The following RGL2 variants were observed in gnomAD, a reference collection of about 807,000 sequenced individuals.
RGL2 encodes ral guanine nucleotide dissociation stimulator like 2.
A neutral mutation model predicts 84.6 loss-of-function variants in RGL2; 40 were observed. That is an observed-to-expected ratio of 0.47 (90% CI 0.37 to 0.62). The LOEUF (loss-of-function observed/expected upper bound fraction) is 0.62, where lower values mean the gene tolerates loss of function less well. RGL2 is among the 20% of genes least tolerant of loss of function. The pLI is 0.00. For synonymous variants in RGL2, 369 were observed against 417.3 expected (o/e 0.88, Z 1.41); for missense variants, 865 against 1,019.7 (o/e 0.85, Z 2.07).
chr6:33,291,924 G>A lies in RGL2; in HGVS notation c.*178C>T. On this transcript the variant is annotated 3_prime_UTR_variant, in exon 18 of 18. Transcript: ENST00000497454. ...TATCCAACTTGGTTATAAGACACCA[G>A]TTCCCACAGGGCTGGATTTCTCAGC... 3 of 667,058 alleles carry A rather than the reference G, an allele frequency of 4.5e-6. No individual in the cohort carries two copies. The highest frequency in any genetic ancestry group is 7.7e-6 in the Non-Finnish European group (3 of 388,426). 41.3% of individuals were successfully genotyped at this position (667,058 alleles called of 1,614,324 possible).
chr6:33,293,108 C>A lies in RGL2; in HGVS notation c.1915G>T (p.Gly639Ter). Residue 639 changes from glycine (G) to a stop codon, truncating the protein, a stop_gained, in exon 16 of 18, where the codon GGA becomes TGA. Coordinates refer to ENST00000497454, the MANE Select transcript of RGL2 (RefSeq NM_004761.5). LOFTEE classifies it high-confidence loss of function. This position sits in a 1 kb window ranked among gnomAD's most constrained non-coding sequence, Gnocchi z 7.0. ...EEASGGTGYG[G>*]EGSGPGASDC... Reference sequence around the variant, plus strand: ...GAGGCCCCTGGCCCAGATCCCTCTCCCCCATATCCAGTCCCCCCGGAGGCC... The same window carrying A: ...GAGGCCCCTGGCCCAGATCCCTCTCACCCATATCCAGTCCCCCCGGAGGCC... The A allele has an allele frequency of 6.2e-7, 1 of 1,614,078 alleles. No homozygotes were observed. Among genetic ancestry groups the A allele is most frequent in the Non-Finnish European group, 8.5e-7 (1 of 1,179,980 alleles).
In RGL2 at chr6:33,298,442, A is replaced by C; in HGVS notation, c.156+13T>G. ...ATACATACGCCCCCTACCTCCCACCACCCGCGTCTCACCTCTTCTTCTTCC... is the reference window on the plus strand; with the variant it reads ...ATACATACGCCCCCTACCTCCCACCCCCCGCGTCTCACCTCTTCTTCTTCC... On this transcript the variant is annotated intron_variant, in intron 2 of 17. Transcript: ENST00000497454. This position sits in a 1 kb window ranked among gnomAD's most constrained non-coding sequence, Gnocchi z 4.8. 1.4e-6 allele frequency: 2 copies of C among 1,416,854 alleles called. No homozygotes were observed. The highest frequency in any genetic ancestry group is 1.9e-6 in the Non-Finnish European group (2 of 1,036,102). The allele number at this position is 1,416,854 out of a possible 1,614,324, so 87.8% of individuals were successfully genotyped here.
chr6:33,297,973 CCT>C lies in RGL2; in HGVS notation c.156+480_156+481del, dbSNP rs1768157781. The C allele has an allele frequency of 6.6e-6, 1 of 152,076 alleles. No individual in the cohort carries two copies. Among genetic ancestry groups the C allele is most frequent in the East Asian group, 1.9e-4 (1 of 5,144 alleles). The allele number at this position is 152,076 out of a possible 1,614,324, so 9.4% of individuals were successfully genotyped here. ...AGGTCCCAGAACCGTGGCTTCCCGG[CCT>C]CTACCCAGGACCGGGGCGGGGCGGG... is the stretch of plus-strand genomic sequence containing the variant. On this transcript the variant is annotated intron_variant, in intron 2 of 17. Coordinates refer to ENST00000497454, the MANE Select transcript of RGL2 (RefSeq NM_004761.5). The surrounding 1 kb of genome is among the most constrained non-coding windows in gnomAD (Gnocchi z 4.0).
Position 33,294,871 on chromosome 6 carries a change from C to A in RGL2, c.1278+106G>T. On this transcript the variant is annotated intron_variant, in intron 10 of 17. Transcript: ENST00000497454. The surrounding 1 kb of genome is among the most constrained non-coding windows in gnomAD (Gnocchi z 5.0). The stretch of plus-strand genomic sequence containing the variant: ...CAGAGAACAGATTTCATTCTCCTCA[C>A]CCCTCTGTGCCTCCCTTACCCATCC... 2.0e-6 allele frequency: 3 copies of A among 1,483,318 alleles called. No individual in the cohort carries two copies. Among genetic ancestry groups the A allele is most frequent in the Non-Finnish European group, 2.8e-6 (3 of 1,086,240 alleles). The allele number at this position is 1,483,318 out of a possible 1,614,324, so 91.9% of individuals were successfully genotyped here.
Position 33,296,631 on chromosome 6 carries a change from G to A in RGL2, c.386C>T (p.Ser129Phe), listed in dbSNP as rs1436744726. 1 of 1,613,908 alleles carries A rather than the reference G, an allele frequency of 6.2e-7. No homozygotes were observed. Among genetic ancestry groups the A allele is most frequent in the African/African-American group, 1.3e-5 (1 of 75,046 alleles). ...CATAAGCCCTAGCAAGGCAGGCGTG[G>A]AGGTGAAGGCCCGGTGGGTAGCCAG... The part of the protein sequence containing the change: ...AFLATHRAFT[S>F]TPALLGLMAD... The change falls in exon 4 of 18, where the codon TCC (serine) becomes TTC (phenylalanine). Residue 129 changes from serine to phenylalanine, a missense_variant. Transcript: ENST00000497454. The surrounding 1 kb of genome is among the most constrained non-coding windows in gnomAD (Gnocchi z 5.0).
At chr6:33,301,260 A>G (rs199627537), upstream of RGL2, 1 of 152,970 alleles carries the variant, frequency 6.5e-6, no homozygotes, top group Non-Finnish European at 1.4e-5. Context: ...TGAATGCCAT[A>G]AGATGTGTGT....
Position 33,293,516 on chromosome 6 carries a change from C to T in RGL2, c.1613G>A (p.Gly538Asp). ...LVISQWTEVL[G>D]SVGVPTPLVS... ...AAGCGGGGTAGGGACCCCAACAGAG[C>T]CCAAAACCCTGCAGTGGCAGGAGAT... Residue 538 changes from glycine (G) to aspartate (D), a missense_variant, in exon 15 of 18, where the codon GGC becomes GAC. This residue lies in a region of RGL2 where 302 missense variants were observed against 327.9 expected (regional missense o/e 0.92). Coordinates refer to ENST00000497454, the MANE Select transcript of RGL2 (RefSeq NM_004761.5). The surrounding 1 kb of genome is among the most constrained non-coding windows in gnomAD (Gnocchi z 7.0). 1.2e-6 allele frequency: 2 copies of T among 1,613,610 alleles called. No homozygotes were observed. Among genetic ancestry groups the T allele is most frequent in the Non-Finnish European group, 1.7e-6 (2 of 1,179,744 alleles).
rs936466690 is a variant in RGL2 at position 33,294,980 on chromosome 6, A to G, written c.1275T>C (p.Gly425=). 2.6e-6 allele frequency: 4 copies of G among 1,553,530 alleles called. No homozygotes were observed. Among genetic ancestry groups the G allele is most frequent in the Non-Finnish European group, 3.5e-6 (4 of 1,151,382 alleles). Residue 425 remains glycine (G), a synonymous_variant, in exon 10 of 18, where the codon GGT becomes GGC. Transcript: ENST00000497454. The surrounding 1 kb of genome is among the most constrained non-coding windows in gnomAD (Gnocchi z 5.0). ...CACCACCCCGCTAGTCACTCACCCC[A>G]CCCCGGGAGCCAGACCTCGGGGCCT... ...SKKAPRSGSR[G]GGVVPYLGTF...
chr6:33,293,767 T>C lies in RGL2; in HGVS notation c.1508+28A>G, dbSNP rs1477542229. Reference sequence around the variant, plus strand: ...AATCCCCCACACCTGGCCAGAACCCTGGAGTCCCAACCTCACCCGCCAGTC... The same window carrying C: ...AATCCCCCACACCTGGCCAGAACCCCGGAGTCCCAACCTCACCCGCCAGTC... On this transcript the variant is annotated intron_variant, in intron 13 of 17. Coordinates refer to ENST00000497454, the MANE Select transcript of RGL2 (RefSeq NM_004761.5). The surrounding 1 kb of genome is among the most constrained non-coding windows in gnomAD (Gnocchi z 7.0). 5 of 1,613,442 alleles carry C rather than the reference T, an allele frequency of 3.1e-6. No homozygotes were observed. Among genetic ancestry groups the C allele is most frequent in the Non-Finnish European group, 4.2e-6 (5 of 1,179,620 alleles).
Position 33,296,399 on chromosome 6 carries a change from C to T in RGL2, c.470+15G>A, listed in dbSNP as rs1562665969. 27 of 1,609,104 alleles carry T rather than the reference C, an allele frequency of 1.7e-5. No individual in the cohort carries two copies. The highest frequency in any genetic ancestry group is 2.2e-5 in the Non-Finnish European group (26 of 1,177,442). On this transcript the variant is annotated intron_variant, in intron 5 of 17. Coordinates refer to ENST00000497454, the MANE Select transcript of RGL2 (RefSeq NM_004761.5). This position sits in a 1 kb window ranked among gnomAD's most constrained non-coding sequence, Gnocchi z 5.0. Reference sequence around the variant, plus strand: ...GCAGAGGGGACTGTGAGATTAAGAACCAGGGGTCACTCACTCTGTTGTCCT... The same window carrying T: ...GCAGAGGGGACTGTGAGATTAAGAATCAGGGGTCACTCACTCTGTTGTCCT...
chr6:33,296,543 G>A lies in RGL2; in HGVS notation c.419+55C>T. ...TTGACTATTTTGGTGGGATGTTGCG[G>A]CTTTAGGAAATCCGGGCAGATACTC... On this transcript the variant is annotated intron_variant, in intron 4 of 17. Transcript: ENST00000497454. This position sits in a 1 kb window ranked among gnomAD's most constrained non-coding sequence, Gnocchi z 5.0. The A allele has an allele frequency of 6.3e-7, 1 of 1,586,074 alleles. No homozygotes were observed. Among genetic ancestry groups the A allele is most frequent in the Non-Finnish European group, 8.6e-7 (1 of 1,164,942 alleles).
At position 33,296,940 on chromosome 6, in the gene RGL2, C is replaced by T; in HGVS notation, c.240+92G>A. Reference sequence around the variant, plus strand: ...CACAGCAGAGTCCAGGACTCCAGAACTCCAACCTAGCACTCTGGCCAGAAA... The same window carrying T: ...CACAGCAGAGTCCAGGACTCCAGAATTCCAACCTAGCACTCTGGCCAGAAA... On this transcript the variant is annotated intron_variant, in intron 3 of 17. Transcript: ENST00000497454. This position sits in a 1 kb window ranked among gnomAD's most constrained non-coding sequence, Gnocchi z 5.0. The T allele has an allele frequency of 6.6e-7, 1 of 1,513,836 alleles. No individual in the cohort carries two copies. Among genetic ancestry groups the T allele is most frequent in the Non-Finnish European group, 9.2e-7 (1 of 1,089,254 alleles). 93.8% of individuals were successfully genotyped at this position (1,513,836 alleles called of 1,614,324 possible). A position where few individuals can be genotyped will look rare whatever the true frequency, so the allele number is the denominator to read the frequency against.
At position 33,298,773 on chromosome 6, in the gene RGL2, AG is replaced by A. The variant is rs905875680; in HGVS notation, c.-42+96del. On this transcript the variant is annotated intron_variant, in intron 1 of 17. Transcript: ENST00000497454. This position sits in a 1 kb window ranked among gnomAD's most constrained non-coding sequence, Gnocchi z 4.8. ...GGGAGTTCTGCAGGAAGGTTGGGGG[AG>A]GGGGCAACAGAAGGGTGGAATAGGG... The A allele has an allele frequency of 2.8e-6, 1 of 352,290 alleles. No homozygotes were observed. Among genetic ancestry groups the A allele is most frequent in the African/African-American group, 3.2e-5 (1 of 31,520 alleles). 21.8% of individuals were successfully genotyped at this position (352,290 alleles called of 1,614,324 possible).
In RGL2 at chr6:33,296,307, C is replaced by T; in HGVS notation, c.489G>A (p.Leu163=). The T allele has an allele frequency of 6.2e-7, 1 of 1,612,458 alleles. No individual in the cohort carries two copies. The highest frequency in any genetic ancestry group is 8.5e-7 in the Non-Finnish European group (1 of 1,179,090). ...CAGGGTGAGAGGCCAGCCAGGTTGACAGTACAGAGATGGCTACCCTGGGAG... is the reference window on the plus strand; with the variant it reads ...CAGGGTGAGAGGCCAGCCAGGTTGATAGTACAGAGATGGCTACCCTGGGAG... The part of the protein sequence containing the change: ...ERTTEVAISV[L]STWLASHPED... The change falls in exon 6 of 18, where the codon CTG becomes CTA. Residue 163 remains leucine, a synonymous_variant. Transcript: ENST00000497454. This position sits in a 1 kb window ranked among gnomAD's most constrained non-coding sequence, Gnocchi z 5.0.
Position 33,295,076 on chromosome 6 carries a change from G to A in RGL2, c.1210-31C>T. 1.3e-6 allele frequency: 2 copies of A among 1,589,848 alleles called. No individual in the cohort carries two copies. The highest frequency in any genetic ancestry group is 1.7e-6 in the Non-Finnish European group (2 of 1,167,098). On this transcript the variant is annotated intron_variant, in intron 9 of 17. Coordinates refer to ENST00000497454, the MANE Select transcript of RGL2 (RefSeq NM_004761.5). This position sits in a 1 kb window ranked among gnomAD's most constrained non-coding sequence, Gnocchi z 7.2. ...GGTGACAAAATAAAAGAGACATGGG[G>A]GAGCAGTAGGGAACAAGGAGAGGTG...
At position 33,296,463 on chromosome 6, in the gene RGL2, G is replaced by T. The variant is rs765559718; in HGVS notation, c.421C>A (p.Leu141Met). Residue 141 changes from leucine (L) to methionine (M), a missense_variant and splice_region_variant, in exon 5 of 18, where the codon CTG becomes ATG. Around this residue, in one of 5 missense-constraint regions of RGL2, gnomAD observed 455 missense variants for 507.8 expected, o/e 0.90. Transcript: ENST00000497454. The surrounding 1 kb of genome is among the most constrained non-coding windows in gnomAD (Gnocchi z 5.0). ...PALLGLMADRLEALESHPTDE... is the reference protein window; with the variant it reads ...PALLGLMADRMEALESHPTDE... The stretch of plus-strand genomic sequence containing the variant: ...GTAGGATGAGATTCAAGGGCTTCCA[G>T]CCTGAGGGGGAGAAGAGGATCTATC... The T allele has an allele frequency of 5.0e-6, 8 of 1,607,144 alleles. No individual in the cohort carries two copies. The highest frequency in any genetic ancestry group is 6.8e-6 in the Non-Finnish European group (8 of 1,176,652).
chr6:33,295,843 C>A lies in RGL2; in HGVS notation c.769-84G>T. 1 of 1,520,454 alleles carries A rather than the reference C, an allele frequency of 6.6e-7. No individual in the cohort carries two copies. Among genetic ancestry groups the A allele is most frequent in the Non-Finnish European group, 9.0e-7 (1 of 1,113,522 alleles). 94.2% of individuals were successfully genotyped at this position (1,520,454 alleles called of 1,614,324 possible). A position where few individuals can be genotyped will look rare whatever the true frequency, so the allele number is the denominator to read the frequency against. ...TCAGGGATCTGAGGATCTCAGGTGG[C>A]CAAGGAACCAGAGGGGCACAGGGTT... On this transcript the variant is annotated intron_variant, in intron 6 of 17. Coordinates refer to ENST00000497454, the MANE Select transcript of RGL2 (RefSeq NM_004761.5). This position sits in a 1 kb window ranked among gnomAD's most constrained non-coding sequence, Gnocchi z 7.2.
chr6:33,293,215 G>T lies in RGL2; in HGVS notation c.1808C>A (p.Pro603Gln). The T allele has an allele frequency of 6.4e-7, 1 of 1,565,618 alleles. No homozygotes were observed. The highest frequency in any genetic ancestry group is 8.6e-7 in the Non-Finnish European group (1 of 1,158,624). ...HSPADPSHLS[P>Q]PASSPRPSRG... ...AGAAGGCCTAGGGGAGGAGGCTGGT[G>T]GGGAGAGGTGGCTGGGGTCAGCTGG... is the stretch of plus-strand genomic sequence containing the variant. Residue 603 changes from proline to glutamine, a missense_variant, in exon 16 of 18, where the codon CCA (proline) becomes CAA (glutamine). Coordinates refer to ENST00000497454, the MANE Select transcript of RGL2 (RefSeq NM_004761.5). This position sits in a 1 kb window ranked among gnomAD's most constrained non-coding sequence, Gnocchi z 7.0.
rs760098505 is a variant in RGL2 at position 33,297,187 on chromosome 6, C to A, written c.157-72G>T. On this transcript the variant is annotated intron_variant, in intron 2 of 17. Transcript: ENST00000497454. This position sits in a 1 kb window ranked among gnomAD's most constrained non-coding sequence, Gnocchi z 4.0. ...CATTGCCCTCAGCCTTCACCCCAGG[C>A]CCTGCTCCTCCCTCTGTACCCCTCA... The A allele has an allele frequency of 1.8e-6, 2 of 1,140,706 alleles. No individual in the cohort carries two copies. Among genetic ancestry groups the A allele is most frequent in the Admixed American group, 4.7e-5 (2 of 42,796 alleles). The allele number at this position is 1,140,706 out of a possible 1,614,324, so 70.7% of individuals were successfully genotyped here. A position where few individuals can be genotyped will look rare whatever the true frequency, so the allele number is the denominator to read the frequency against.
Sources: allele counts gnomAD v4.1 joint callset, GRCh38; gene constraint gnomAD v4.1.1; regional missense constraint gnomAD v4.1.1; non-coding constraint Gnocchi (gnomAD v3.1); transcripts MANE v1.5; gene names NCBI Gene and HGNC (gene_info 2026-07-23, HGNC 2026-07-21).